CYBRD1: variants seen among roughly 807,000 people sequenced by gnomAD.
The protein encoded by CYBRD1 is cytochrome b reductase 1.
CYBRD1 carries 14 observed loss-of-function variants against 21.9 expected under a neutral mutation model. That is an observed-to-expected ratio of 0.64 (90% CI 0.42 to 1.00). The LOEUF is 1.00. CYBRD1 is among the 50% of genes least tolerant of loss of function. The pLI is 0.00. For missense variants in CYBRD1, 328 were observed against 352.5 expected, an observed-to-expected ratio of 0.93 and a Z score of 0.56; for synonymous variants, 146 against 136.5, an observed-to-expected ratio of 1.07 and a Z score of -0.48.
chr2:171,523,531 C>T (rs1432278548), intron 1 of CYBRD1, among the ~76,000 whole-genome samples: 1 of 152,230 alleles, frequency 6.6e-6, no homozygotes, highest in Non-Finnish European at 1.5e-5. Context: ...TGGCCCAGCA[C>T]TCCGGGTGGG....
At chr2:171,532,533 C>G (rs892435392) in intron 1 of CYBRD1, among the ~76,000 whole-genome samples, 1 of 152,084 alleles carries the variant, frequency 6.6e-6, no homozygotes, top group East Asian at 1.9e-4. Context: ...GGCATGGTGG[C>G]TTATGCCTGT....
intron 1 of CYBRD1, among the ~76,000 whole-genome samples, chr2:171,530,010 C>A (rs2105331225): frequency 6.6e-6 from 1 of 152,182 alleles, no homozygotes; most frequent in South Asian, 2.1e-4. Context: ...ATGATTGGTG[C>A]CCTTATAAGA....
At chr2:171,545,377 C>CTTT (rs201634120) in intron 2 of CYBRD1, among the ~76,000 whole-genome samples, 2 of 109,744 alleles carry the variant, frequency 1.8e-5, no homozygotes, top group African/African-American at 4.2e-5. Context: ...ATGAATATAC[C>CTTT]TTTTTTGTTT....
At chr2:171,523,259 G>A (rs976461124) in intron 1 of CYBRD1, 4 of 433,280 alleles carry the variant, frequency 9.2e-6, no homozygotes, top group African/African-American at 8.5e-5. Flanking sequence ...AGGCAGCGGG[G>A]AAAAGATTGC....
chr2:171,529,101 A>G (rs1030945413), intron 1 of CYBRD1, among the ~76,000 whole-genome samples: 1 of 152,232 alleles, frequency 6.6e-6, no homozygotes, highest in Non-Finnish European at 1.5e-5. Flanking sequence ...TATTTACTAA[A>G]TTGATGGAAG....
rs1697328954 is a variant in CYBRD1, at chr2:171,522,864, T to C, written c.193+126T>C. 2.1e-6 allele frequency: 3 copies of C among 1,461,408 alleles called. No homozygotes were observed. The highest frequency in any genetic ancestry group is 2.8e-6 in the Non-Finnish European group (3 of 1,089,018). 90.5% of individuals were successfully genotyped at this position (1,461,408 alleles called of 1,614,324 possible). On this transcript the variant is annotated intron_variant, in intron 1 of 3. Transcript: ENST00000321348. The surrounding 1 kb of genome is among the most constrained non-coding windows in gnomAD (Gnocchi z 4.3). ...GATCGCGGGGCCCGGAGGAGTGCGG[T>C]GAGGAGCGCGCGGGAAGCCAAGTCG...
rs112385852 is a variant in CYBRD1, at chr2:171,554,551, G to A, written c.585G>A (p.Pro195=). ...GAGATCCTGCATACAGTACATTCCCGCCAGAAGGTGTTTTCGTAAATACGC... is the reference window on the plus strand; with the variant it reads ...GAGATCCTGCATACAGTACATTCCCACCAGAAGGTGTTTTCGTAAATACGC... ...SLRDPAYSTF[P]PEGVFVNTLG... is the part of the protein sequence containing the mutation. Residue 195 remains proline (P), a synonymous_variant, in exon 4 of 4, where the codon CCG becomes CCA. Transcript: ENST00000321348. 469 of 1,613,864 alleles carry A rather than the reference G, an allele frequency of 2.9e-4. 1 individual carries two copies. The African/African-American group carries it at 5.1e-3, about 18-fold the overall frequency.
intron 2 of CYBRD1, among the ~76,000 whole-genome samples, chr2:171,550,499 T>G (rs1313750318): frequency 1.3e-5 from 2 of 152,160 alleles, no homozygotes; most frequent in African/African-American, 4.8e-5. Context: ...CCTTCACTTG[T>G]AAGGTAGTAA....
chr2:171,552,830 AACTG>A (rs2105347460), intron 2 of CYBRD1, among the ~76,000 whole-genome samples: 1 of 152,334 alleles, frequency 6.6e-6, no homozygotes, highest in South Asian at 2.1e-4. Flanking sequence ...TTTTAGGTTG[AACTG>A]ACTAAATTCT....
At chr2:171,525,069 C>T (rs1697364892) in intron 1 of CYBRD1, among the ~76,000 whole-genome samples, 2 of 152,180 alleles carry the variant, frequency 1.3e-5, no homozygotes, top group Admixed American at 6.5e-5. Flanking sequence ...TCCCCAGTAG[C>T]TGGGATTACA....
rs1382604780 is a variant in CYBRD1, at chr2:171,553,402, A to G, written c.459A>G (p.Ala153=). Residue 153 remains alanine, a synonymous_variant, in exon 3 of 4, where the codon GCA becomes GCG. Transcript: ENST00000321348. ...LLPWAPLSLR[A]FLMPIHVYSG... ...CATGGGCTCCGCTTTCTCTCCGAGC[A>G]TTTCTCATGCCCATACATGTTTATT... 1.2e-6 allele frequency: 2 copies of G among 1,613,678 alleles called. No individual in the cohort carries two copies. The highest frequency in any genetic ancestry group is 1.7e-6 in the Non-Finnish European group (2 of 1,179,756).
chr2:171,523,150 G>A (rs545843986), intron 1 of CYBRD1: 15 of 322,972 alleles, frequency 4.6e-5, no homozygotes, highest in Non-Finnish European at 8.7e-5. Flanking sequence ...GCCCCGGAAA[G>A]TCGCCCCTGT....
chr2:171,554,599 C>T lies in CYBRD1; in HGVS notation c.633C>T (p.Phe211=), dbSNP rs924538280. Residue 211 remains phenylalanine (F), a synonymous_variant, in exon 4 of 4, where the codon TTC becomes TTT. Coordinates refer to ENST00000321348, the MANE Select transcript of CYBRD1 (RefSeq NM_024843.4). ...CGCTTGGCCTTCTGATCCTGGTGTT[C>T]GGGGCCCTCATTTTTTGGATAGTCA... ...VNTLGLLILV[F]GALIFWIVTR... 13 of 1,613,856 alleles carry T rather than the reference C, an allele frequency of 8.1e-6. No individual in the cohort carries two copies. Among genetic ancestry groups the T allele is most frequent in the African/African-American group, 4.0e-5 (3 of 74,882 alleles).
At chr2:171,533,050 A>T (rs1252070065) in intron 1 of CYBRD1, among the ~76,000 whole-genome samples, 1 of 152,088 alleles carries the variant, frequency 6.6e-6, no homozygotes, top group Non-Finnish European at 1.5e-5. Context: ...GTGCTTTATT[A>T]GCAATTATTC....
At chr2:171,535,299 C>T (rs1697528317) in intron 1 of CYBRD1, among the ~76,000 whole-genome samples, 1 of 152,166 alleles carries the variant, frequency 6.6e-6, no homozygotes, top group African/African-American at 2.4e-5. Context: ...TTTAGAGTAA[C>T]AGGATAATAA....
At chr2:171,537,520 A>G (rs1369537736) in intron 1 of CYBRD1, among the ~76,000 whole-genome samples, 1 of 152,190 alleles carries the variant, frequency 6.6e-6, no homozygotes, top group Non-Finnish European at 1.5e-5. Context: ...CACACAAGTA[A>G]CCTAGTGAAA....
At chr2:171,529,943 G>C (rs1250302735) in intron 1 of CYBRD1, among the ~76,000 whole-genome samples, 2 of 152,320 alleles carry the variant, frequency 1.3e-5, no homozygotes, top group Non-Finnish European at 1.5e-5. Flanking sequence ...CTTTGCAGAT[G>C]TTAACTATGG....
At chr2:171,542,032 T>G (rs1380445094) in intron 2 of CYBRD1, among the ~76,000 whole-genome samples, 1 of 151,914 alleles carries the variant, frequency 6.6e-6, no homozygotes, top group Non-Finnish European at 1.5e-5. Context: ...GCCAGGCTAA[T>G]TTTTGTATTT....
chr2:171,544,633 C>G (rs1697682906), intron 2 of CYBRD1, among the ~76,000 whole-genome samples: 2 of 152,186 alleles, frequency 1.3e-5, no homozygotes, highest in African/African-American at 4.8e-5. Context: ...GATTCAACTT[C>G]ATTTTTTTCC....
Sources: allele counts gnomAD v4.1 joint callset (sites outside exome capture counted in the v4.1 genomes callset), GRCh38; gene constraint gnomAD v4.1.1; non-coding constraint Gnocchi (gnomAD v3.1); transcripts MANE v1.5; gene names NCBI Gene and HGNC (gene_info 2026-07-23, HGNC 2026-07-21).